Variants in EFCAB12 observed in about 807,000 individuals in gnomAD.
The protein encoded by EFCAB12 is EF-hand calcium binding domain 12, also known as EF-hand calcium-binding domain-containing protein 12.
EFCAB12 carries 43 observed loss-of-function variants against 53.6 expected under a neutral mutation model. The ratio of observed to expected loss-of-function variants is 0.80; its 90% CI spans 0.63 to 1.03. The LOEUF (loss-of-function observed/expected upper bound fraction) is 1.03. EFCAB12 is among the 50% of genes least tolerant of loss of function. The pLI, the probability that EFCAB12 is intolerant of heterozygous loss-of-function variation, is 0.00. For missense variants in EFCAB12, 646 were observed against 730.6 expected (o/e 0.88, Z 1.34); for synonymous variants, 269 against 289.2 (o/e 0.93, Z 0.71).
chr3:129,421,577 A>G lies in EFCAB12; in HGVS notation c.276T>C (p.Ala92=), dbSNP rs914599068. The G allele has an allele frequency of 2.5e-6, 4 of 1,613,762 alleles. No homozygotes were observed. In the African/African-American group the frequency reaches 5.3e-5, roughly 22 times the overall value. The change falls in exon 2 of 9, where the codon GCT becomes GCC. Residue 92 remains alanine (A), a synonymous_variant. Coordinates refer to ENST00000505956, the MANE Select transcript of EFCAB12 (RefSeq NM_207307.3). ...CCTCTGGCTGCTCTTGGATATCTCT[A>G]GCTTCCAGAACTTTGAAGCTGGGGA... ...KPIPSFKVLE[A]RDIQEQPEDR... is the part of the protein sequence containing the mutation.
intron 4 of EFCAB12, chr3:129,411,579 C>T (rs2107738000): frequency 2.4e-6 from 1 of 422,950 alleles, no homozygotes; most frequent in East Asian, 3.8e-5. Flanking sequence ...AACCCCAGCC[C>T]TCTGGTTGCC....
intron 1 of EFCAB12, among the ~76,000 whole-genome samples, chr3:129,426,361 T>TG (rs2072271647): frequency 1.9e-5 from 2 of 106,014 alleles, no homozygotes; most frequent in South Asian, 6.9e-4. Context: ...TTTTTTTTGT[T>TG]TTTTTTTTTT....
At chr3:129,425,554 T>C (rs1343425179) in intron 1 of EFCAB12, among the ~76,000 whole-genome samples, 1 of 152,154 alleles carries the variant, frequency 6.6e-6, no homozygotes, top group Non-Finnish European at 1.5e-5. Flanking sequence ...GGCCGAGTCA[T>C]TCTCCTCACA....
intron 2 of EFCAB12, among the ~76,000 whole-genome samples, chr3:129,418,965 T>C (rs1487659981): frequency 6.6e-6 from 1 of 152,210 alleles, no homozygotes. Context: ...CTGGGCAGTT[T>C]ACAAAGGGCC....
chr3:129,421,005 A>ATT (rs1240848009), intron 2 of EFCAB12, among the ~76,000 whole-genome samples: 1 of 152,262 alleles, frequency 6.6e-6, no homozygotes, highest in African/African-American at 2.4e-5. Context: ...CACATGGGTG[A>ATT]GCCAGCTTGG....
chr3:129,402,413 G>A (rs1235692412), intron 8 of EFCAB12, 110 bp downstream of exon 8: 1 of 1,239,136 alleles, frequency 8.1e-7, no homozygotes, highest in Non-Finnish European at 1.2e-6. Flanking sequence ...CTCAGGCCAG[G>A]GCACCGAGCC....
intron 1 of EFCAB12, among the ~76,000 whole-genome samples, chr3:129,425,299 A>G (rs1048157053): frequency 2.0e-5 from 3 of 152,046 alleles, no homozygotes; most frequent in Admixed American, 2.0e-4. Context: ...AAACCATTCA[A>G]TGGATTCTTA....
chr3:129,418,593 A>C (rs2072151684), intron 2 of EFCAB12, 145 bp from the exon 3 acceptor site: 2 of 622,402 alleles, frequency 3.2e-6, no homozygotes, highest in Non-Finnish European at 4.8e-6. Flanking sequence ...GTTCAGGGCA[A>C]CTGTGTTTGG....
chr3:129,402,868 C>T (rs1465044777), intron 7 of EFCAB12: 4 of 372,872 alleles, frequency 1.1e-5, no homozygotes, highest in Non-Finnish European at 2.0e-5. Flanking sequence ...AGAATAGAGA[C>T]CTCTCAGGGT....
intron 1 of EFCAB12, among the ~76,000 whole-genome samples, chr3:129,424,419 A>G (rs949089783): frequency 6.6e-6 from 1 of 152,180 alleles, no homozygotes; most frequent in South Asian, 2.1e-4. Flanking sequence ...CTGGTTGTTC[A>G]AAAGCATAGC....
At chr3:129,427,383 C>G (rs1438541259) in intron 1 of EFCAB12, among the ~76,000 whole-genome samples, 5 of 152,024 alleles carry the variant, frequency 3.3e-5, no homozygotes, top group Non-Finnish European at 5.9e-5. Flanking sequence ...GTTCTCTTAT[C>G]TCTGTGGAAG....
intron 6 of EFCAB12, 80 bp downstream of exon 6, chr3:129,408,565 G>T (rs1368698772): frequency 2.1e-6 from 3 of 1,436,340 alleles, no homozygotes; most frequent in Non-Finnish European, 1.9e-6. Flanking sequence ...GGCTGCATGG[G>T]TGCCCTGGGT....
rs1189042369 is a variant in EFCAB12, at chr3:129,421,595, G to A, written c.258C>T (p.Ser86=). The A allele has an allele frequency of 6.2e-7, 1 of 1,614,004 alleles. No individual in the cohort carries two copies. The highest frequency in any genetic ancestry group is 2.2e-5 in the East Asian group (1 of 44,878). Residue 86 remains serine, a synonymous_variant, in exon 2 of 9, where the codon AGC becomes AGT. Coordinates refer to ENST00000505956, the MANE Select transcript of EFCAB12 (RefSeq NM_207307.3). ...QPQAPPKPIP[S]FKVLEARDIQ... ...TATCTCTAGCTTCCAGAACTTTGAA[G>A]CTGGGGATGGGCTTTGGGGGAGCCT...
chr3:129,415,187 C>G (rs1413014489), intron 4 of EFCAB12, 58 bp downstream of exon 4: 1 of 1,520,598 alleles, frequency 6.6e-7, no homozygotes, highest in Non-Finnish European at 8.8e-7. Context: ...AGGCTGCCTG[C>G]ACCATGCTTG....
intron 1 of EFCAB12, 108 bp downstream of exon 1, chr3:129,428,332 C>T: frequency 1.4e-6 from 2 of 1,455,212 alleles, no homozygotes; most frequent in Non-Finnish European, 1.9e-6. Context: ...ACCCTTCACC[C>T]AGAGGGGGTC....
At chr3:129,426,238 A>G (rs1042140767) in intron 1 of EFCAB12, among the ~76,000 whole-genome samples, 4 of 151,000 alleles carry the variant, frequency 2.6e-5, no homozygotes, top group Middle Eastern at 3.4e-3. Context: ...TCATGTTTCT[A>G]TGACCTTCTG....
Position 129,401,464 on chromosome 3 carries a change from G to T in EFCAB12, c.*129C>A. 1.5e-6 allele frequency: 2 copies of T among 1,318,130 alleles called. No homozygotes were observed. The highest frequency in any genetic ancestry group is 2.0e-6 in the Non-Finnish European group (2 of 986,638). The allele number at this position is 1,318,130 out of a possible 1,614,324, so 81.7% of individuals were successfully genotyped here. On this transcript the variant is annotated 3_prime_UTR_variant, in exon 9 of 9. Coordinates refer to ENST00000505956, the MANE Select transcript of EFCAB12 (RefSeq NM_207307.3). Reference sequence around the variant, plus strand: ...TTGAGTCCAGAGGGAACTGGCCCCCGGTCCATCCCTCTTTGAAAGGATTTC... The same window carrying T: ...TTGAGTCCAGAGGGAACTGGCCCCCTGTCCATCCCTCTTTGAAAGGATTTC...
Position 129,401,867 on chromosome 3 carries a change from A to G in EFCAB12, c.1461-16T>C, listed in dbSNP as rs746524167. On this transcript the variant is annotated splice_polypyrimidine_tract_variant and intron_variant, in intron 8 of 8. Transcript: ENST00000505956. ...CTTCAGCTTCCTGGAAAACAAGAAG[A>G]CACAGGGATGGTTGTCATGGCAGAC... 4 of 1,607,700 alleles carry G rather than the reference A, an allele frequency of 2.5e-6. No individual in the cohort carries two copies. In the East Asian group the frequency reaches 8.9e-5, roughly 36 times the overall value.
At chr3:129,415,220 G>T in intron 4 of EFCAB12, 25 bp downstream of exon 4, 1 of 1,561,306 alleles carries the variant, frequency 6.4e-7, no homozygotes, top group Non-Finnish European at 8.7e-7. Context: ...GGAGGTGGAG[G>T]CACAGGATGG....
Sources: gnomAD v4.1 joint callset for allele counts (sites outside exome capture counted in the v4.1 genomes callset) on GRCh38, gnomAD v4.1.1 for gene constraint, MANE v1.5 for transcripts, NCBI Gene and HGNC (gene_info 2026-07-23, HGNC 2026-07-21) for gene names.